DSCAML1: variants seen among roughly 807,000 people sequenced by gnomAD.
DSCAML1 encodes cell adhesion molecule DSCAML1.
Under a neutral mutation model 200.5 loss-of-function variants are expected in DSCAML1, and 38 were observed. That is an observed-to-expected ratio of 0.19 (90% CI 0.15 to 0.25). The LOEUF is 0.25. Ranked by LOEUF, DSCAML1 falls within the 10% of genes least tolerant of loss-of-function variation. The pLI is 1.00. For synonymous variants in DSCAML1, 1,215 were observed against 1,165.0 expected (o/e 1.04, Z -0.87); for missense variants, 2,223 against 2,858.8 (o/e 0.78, Z 5.07).
At chr11:117,462,929 T>A (rs1338663168) in intron 17 of DSCAML1, among the ~76,000 whole-genome samples, 1 of 152,226 alleles carries the variant, frequency 6.6e-6, no homozygotes, top group Non-Finnish European at 1.5e-5. Flanking sequence ...CCTGTGCTGA[T>A]CTCTCCCTGT....
chr11:117,715,732 G>A (rs1274219004), intron 3 of DSCAML1, among the ~76,000 whole-genome samples: 1 of 152,166 alleles, frequency 6.6e-6, no homozygotes, highest in African/African-American at 2.4e-5. Context: ...GCAGGTAAGT[G>A]AATTATTGGG....
intron 3 of DSCAML1, among the ~76,000 whole-genome samples, chr11:117,649,039 ATATGTGTGTGTGTG>A (rs2052575662): frequency 7.6e-6 from 1 of 131,454 alleles, no homozygotes; most frequent in African/African-American, 3.2e-5. Flanking sequence ...CTCTCCATAT[ATATGTGTGTGTGTG>A]TGTGTGTGTG....
At chr11:117,630,306 G>T (rs569208806) in intron 3 of DSCAML1, among the ~76,000 whole-genome samples, 34 of 152,228 alleles carry the variant, frequency 2.2e-4, no homozygotes, top group Admixed American at 1.8e-3. Flanking sequence ...AACAGGCGTC[G>T]AATGCACGTC....
intron 32 of DSCAML1, among the ~76,000 whole-genome samples, chr11:117,429,417 T>C (rs1176471177): frequency 6.6e-6 from 1 of 152,224 alleles, no homozygotes; most frequent in Non-Finnish European, 1.5e-5. Context: ...AATTTCTTTT[T>C]TTTTGAGACG....
chr11:117,675,854 C>G (rs1260936539), intron 3 of DSCAML1, among the ~76,000 whole-genome samples: 1 of 152,146 alleles, frequency 6.6e-6, no homozygotes, highest in African/African-American at 2.4e-5. Flanking sequence ...TCGGTCTTAT[C>G]AATAATTCCT....
chr11:117,780,183 A>AGAGAGAG lies in DSCAML1; in HGVS notation c.364+309_364+310insCTCTCTC, dbSNP rs1565280459. ...AGAAAGAAAGAAAGAAAAAAAGAAA[A>AGAGAGAG]AAAGAAAGAAAGAAAGAGAAAGAAA... On this transcript the variant is annotated intron_variant, in intron 2 of 32. Transcript: ENST00000651296. The surrounding 1 kb of genome is among the most constrained non-coding windows in gnomAD (Gnocchi z 4.8). Among the ~76,000 whole-genome samples the AGAGAGAG allele has an allele frequency of 9.2e-6, 1 of 108,542 alleles. No homozygotes were observed. Among genetic ancestry groups the AGAGAGAG allele is most frequent in the East Asian group, 2.5e-4 (1 of 3,942 alleles). 71.2% of individuals were successfully genotyped at this position (108,542 alleles called of 152,430 possible).
Position 117,502,454 on chromosome 11 carries a change from T to C in DSCAML1, c.2359+1391A>G, listed in dbSNP as rs1020065683. ...GCTCTCCCAAGCTGAGGGATGTAGA[T>C]TGATTGCCTGGTTTTATTAAGGACA... On this transcript the variant is annotated intron_variant, in intron 11 of 32. Coordinates refer to ENST00000651296, the MANE Select transcript of DSCAML1 (RefSeq NM_020693.4). Among the ~76,000 whole-genome samples, 25 of 152,290 alleles carry C rather than the reference T, an allele frequency of 1.6e-4. No individual in the cohort carries two copies. The South Asian group carries it at 5.2e-3, about 32-fold the overall frequency.
At chr11:117,491,703 G>A (rs566586567) in intron 11 of DSCAML1, among the ~76,000 whole-genome samples, 50 of 152,308 alleles carry the variant, frequency 3.3e-4, no homozygotes, top group African/African-American at 1.1e-3. Context: ...GCACCCAGGA[G>A]GTGGAGGCTG....
intron 1 of DSCAML1, 92 bp downstream of exon 1, chr11:117,796,942 C>T (rs982470110): frequency 2.9e-6 from 3 of 1,017,052 alleles, no homozygotes; most frequent in Non-Finnish European, 3.8e-6. Context: ...TTCCCCCACG[C>T]ACCTGGAGCC....
At chr11:117,740,709 G>A (rs749179618) in intron 3 of DSCAML1, among the ~76,000 whole-genome samples, 38 of 152,322 alleles carry the variant, frequency 2.5e-4, no homozygotes, top group Non-Finnish European at 3.8e-4. Flanking sequence ...GACAAGCCTC[G>A]TCTTAGCAAG....
At position 117,769,168 on chromosome 11, in the gene DSCAML1, ATTT is replaced by A. The variant is rs1174015784; in HGVS notation, c.511+7620_511+7622del. ...TATATATATTTTATATATATTATAT[ATTT>A]TATATATATTATACATATATATTTT... is the stretch of plus-strand genomic sequence containing the variant. On this transcript the variant is annotated intron_variant, in intron 3 of 32. Coordinates refer to ENST00000651296, the MANE Select transcript of DSCAML1 (RefSeq NM_020693.4). Among the ~76,000 whole-genome samples, 15 of 24,812 alleles carry A rather than the reference ATTT, an allele frequency of 6.0e-4. No individual in the cohort carries two copies. The East Asian group carries it at 0.049, about 81-fold the overall frequency. The allele number at this position is 24,812 out of a possible 152,430, so 16.3% of individuals were successfully genotyped here.
chr11:117,613,996 C>G (rs2051756186), intron 3 of DSCAML1, among the ~76,000 whole-genome samples: 1 of 152,034 alleles, frequency 6.6e-6, no homozygotes, highest in Non-Finnish European at 1.5e-5. Context: ...TGGGGGCTCT[C>G]TGGGTGAAGG....
intron 3 of DSCAML1, among the ~76,000 whole-genome samples, chr11:117,557,572 G>T (rs2050582293): frequency 6.6e-6 from 1 of 152,254 alleles, no homozygotes; most frequent in Admixed American, 6.5e-5. Flanking sequence ...CGTCAGCAAA[G>T]CATTTCACTG....
chr11:117,712,833 T>A (rs1415558337), intron 3 of DSCAML1, among the ~76,000 whole-genome samples: 1 of 151,898 alleles, frequency 6.6e-6, no homozygotes, highest in Non-Finnish European at 1.5e-5. Context: ...CCTCCTTGGG[T>A]ACCTTATGTC....
rs528967722 is a variant in DSCAML1 at position 117,475,224 on chromosome 11, CTACAAA to C, written c.2786-3194_2786-3189del. On this transcript the variant is annotated intron_variant, in intron 14 of 32. Transcript: ENST00000651296. The stretch of plus-strand genomic sequence containing the variant: ...CTCTACACTGCGGCCATTGTCCACT[CTACAAA>C]TACAATCGAGCTCCTCTTACAGGTG... Among the ~76,000 whole-genome samples, 66 of 152,296 alleles carry C rather than the reference CTACAAA, an allele frequency of 4.3e-4. No homozygotes were observed. In the East Asian group the frequency reaches 0.012, roughly 28 times the overall value.
rs189268807 is a variant in DSCAML1 at position 117,491,086 on chromosome 11, C to T, written c.2360-8924G>A. Among the ~76,000 whole-genome samples the T allele has an allele frequency of 1.6e-3, 251 of 152,164 alleles. 1 individual carries two copies. Among genetic ancestry groups the T allele is most frequent in the African/African-American group, 5.5e-3 (230 of 41,510 alleles). On this transcript the variant is annotated intron_variant, in intron 11 of 32. Transcript: ENST00000651296. The stretch of plus-strand genomic sequence containing the variant: ...TGAATACCCAAAGGAGAGGAGCGAG[C>T]GAGCAGTGTGTGTGGGAAGGAGGAT...
intron 1 of DSCAML1, among the ~76,000 whole-genome samples, chr11:117,790,624 CAT>C (rs1406604650): frequency 6.6e-6 from 1 of 152,200 alleles, no homozygotes; most frequent in Non-Finnish European, 1.5e-5. Context: ...TGTGTGTGTT[CAT>C]ATGTTGCCTC....
At position 117,505,553 on chromosome 11, in the gene DSCAML1, G is replaced by T. The variant is rs746019233; in HGVS notation, c.1963C>A (p.Gln655Lys). ...TGCTTGAGGGAGACGCTAGAGATCT[G>T]CAGGGAGCTCATGAATTCCTTGCTC... ...IESKEFMSSL[Q>K]ISSVSLKHNG... Residue 655 changes from glutamine (Q) to lysine (K), a missense_variant, in exon 9 of 33, where the codon CAG (glutamine) becomes AAG (lysine). Transcript: ENST00000651296. This position sits in a 1 kb window ranked among gnomAD's most constrained non-coding sequence, Gnocchi z 6.7. The T allele has an allele frequency of 3.1e-6, 5 of 1,613,540 alleles. No homozygotes were observed. In the East Asian group the frequency reaches 1.1e-4, roughly 36 times the overall value.
intron 3 of DSCAML1, among the ~76,000 whole-genome samples, chr11:117,667,210 G>A (rs2052996982): frequency 1.3e-5 from 2 of 152,140 alleles, no homozygotes; most frequent in African/African-American, 2.4e-5. Context: ...TCAGGAGTTC[G>A]AGACCAGCCT....
Sources: gnomAD v4.1 joint callset for allele counts (sites outside exome capture counted in the v4.1 genomes callset) on GRCh38, gnomAD v4.1.1 for gene constraint, Gnocchi (gnomAD v3.1) non-coding constraint, MANE v1.5 for transcripts, NCBI Gene and HGNC (gene_info 2026-07-23, HGNC 2026-07-21) for gene names.